Variants in LRP2BP observed in about 807,000 individuals in gnomAD.
The protein encoded by LRP2BP is LRP2-binding protein.
In LRP2BP, 38 loss-of-function variants were observed where a neutral mutation model predicts 45.2. The observed-to-expected ratio is 0.84, with a 90% confidence interval of 0.65 to 1.10. The LOEUF (loss-of-function observed/expected upper bound fraction) is 1.10. Among genes scored for constraint, LRP2BP ranks in the 50% least tolerant of loss-of-function variants. The pLI is 0.00. For synonymous variants in LRP2BP, 153 were observed against 153.9 expected, an observed-to-expected ratio of 0.99 and a Z score of 0.04; for missense variants, 385 against 418.9, an observed-to-expected ratio of 0.92 and a Z score of 0.71.
intron 1 of LRP2BP, among the ~76,000 whole-genome samples, chr4:185,381,881 T>C (rs907662523): frequency 2.6e-5 from 4 of 152,218 alleles, no homozygotes; most frequent in African/African-American, 7.2e-5. Flanking sequence ...TGATATATAA[T>C]TCACATACCA....
intron 1 of LRP2BP, among the ~76,000 whole-genome samples, chr4:185,388,869 AAAT>A (rs56705155): frequency 0.15 from 23,388 of 151,878 alleles, 2,094 homozygotes; most frequent in African/African-American, 0.23. Context: ...CTTACTAATA[AAAT>A]AATAATAATT....
At chr4:185,380,292 G>A (rs567616361) in intron 1 of LRP2BP, among the ~76,000 whole-genome samples, 43 of 152,168 alleles carry the variant, frequency 2.8e-4, no homozygotes, top group East Asian at 1.2e-3. Flanking sequence ...TCCTGGGGCC[G>A]CTAAAACAAA....
chr4:185,378,786 G>A, intron 1 of LRP2BP: 2 of 985,512 alleles, frequency 2.0e-6, no homozygotes, highest in Non-Finnish European at 2.4e-6. Context: ...TGGGGTGAAG[G>A]AGTCCAGGTT....
upstream of LRP2BP, chr4:185,396,475 C>G (rs2095503315): frequency 6.1e-6 from 1 of 163,192 alleles, no homozygotes; most frequent in Non-Finnish European, 1.3e-5. Context: ...AAACTCAGCG[C>G]GCCTCATGGC....
At chr4:185,386,202 T>G (rs2126833709) in intron 1 of LRP2BP, among the ~76,000 whole-genome samples, 1 of 152,340 alleles carries the variant, frequency 6.6e-6, no homozygotes, top group Non-Finnish European at 1.5e-5. Context: ...ATTATCTTTC[T>G]TGTACATGAT....
chr4:185,385,290 T>C (rs962143859), intron 1 of LRP2BP, among the ~76,000 whole-genome samples: 3 of 152,114 alleles, frequency 2.0e-5, no homozygotes, highest in African/African-American at 7.2e-5. Context: ...GTTACAGTTA[T>C]AAATACACTC....
At chr4:185,370,144 C>T (rs934293730) in intron 8 of LRP2BP, 6 of 160,028 alleles carry the variant, frequency 3.7e-5, no homozygotes, top group Admixed American at 1.2e-4. Context: ...AGATGTGAAA[C>T]GCATTTGGGA....
At position 185,375,658 on chromosome 4, in the gene LRP2BP, C is replaced by G. The variant is rs774928608; in HGVS notation, c.285G>C (p.Gln95His). 4 of 1,612,228 alleles carry G rather than the reference C, an allele frequency of 2.5e-6. No homozygotes were observed. Among genetic ancestry groups the G allele is most frequent in the African/African-American group, 1.3e-5 (1 of 74,504 alleles). ...IKEKDHQATY[Q>H]LGVMYYDGLG... is the part of the protein sequence containing the mutation. Reference sequence around the variant, plus strand: ...GCCCATCATAGTACATCACTCCTAGCTGGTAAGTTGCTTGATGGTCTTTCT... The same window carrying G: ...GCCCATCATAGTACATCACTCCTAGGTGGTAAGTTGCTTGATGGTCTTTCT... The change falls in exon 4 of 9, where the codon CAG becomes CAC. Residue 95 changes from glutamine to histidine, a missense_variant. Coordinates refer to ENST00000505916, the MANE Select transcript of LRP2BP (RefSeq NM_001377440.1).
intron 1 of LRP2BP, among the ~76,000 whole-genome samples, chr4:185,394,165 C>G (rs1561097649): frequency 6.6e-6 from 1 of 150,472 alleles, no homozygotes; most frequent in Non-Finnish European, 1.5e-5. Flanking sequence ...GGCTGACGCA[C>G]GAGAATCACT....
chr4:185,375,873 G>T lies in LRP2BP; in HGVS notation c.217-147C>A, dbSNP rs1579988022. ...ATCTGAACCCATGCCCCACGCTGAGGAAGCATGCTCTCAGCCATGGTGCTC... is the reference window on the plus strand; with the variant it reads ...ATCTGAACCCATGCCCCACGCTGAGTAAGCATGCTCTCAGCCATGGTGCTC... On this transcript the variant is annotated intron_variant, in intron 3 of 8. Coordinates refer to ENST00000505916, the MANE Select transcript of LRP2BP (RefSeq NM_001377440.1). The T allele has an allele frequency of 3.1e-5, 15 of 487,722 alleles. No individual in the cohort carries two copies. The East Asian group carries it at 5.0e-4, about 16-fold the overall frequency. 30.2% of individuals were successfully genotyped at this position (487,722 alleles called of 1,614,324 possible).
chr4:185,373,679 A>G (rs977743907), intron 6 of LRP2BP, among the ~76,000 whole-genome samples: 51 of 152,228 alleles, frequency 3.4e-4, no homozygotes, highest in African/African-American at 1.0e-3. Flanking sequence ...AGTAGGACTC[A>G]GCCCCCATTT....
At chr4:185,387,716 C>T (rs116101283) in intron 1 of LRP2BP, among the ~76,000 whole-genome samples, 1,552 of 152,334 alleles carry the variant, frequency 0.01, 21 homozygotes, top group African/African-American at 0.034. Flanking sequence ...GCTATCTGTC[C>T]TTGCCTACAG....
chr4:185,385,618 C>G (rs1357816117), intron 1 of LRP2BP, among the ~76,000 whole-genome samples: 5 of 152,090 alleles, frequency 3.3e-5, no homozygotes, highest in East Asian at 1.9e-4. Context: ...TAACATCATC[C>G]CAGGCCAGGC....
chr4:185,373,735 A>G (rs2126795036), intron 6 of LRP2BP, among the ~76,000 whole-genome samples: 1 of 152,338 alleles, frequency 6.6e-6, no homozygotes, highest in East Asian at 1.9e-4. Flanking sequence ...ACCATTGATG[A>G]AAGAGATTAT....
At chr4:185,386,767 A>G (rs2095472911) in intron 1 of LRP2BP, among the ~76,000 whole-genome samples, 1 of 152,230 alleles carries the variant, frequency 6.6e-6, no homozygotes, top group Non-Finnish European at 1.5e-5. Context: ...GTAGAAATGT[A>G]GTTGCTTTGG....
chr4:185,389,202 AT>A (rs2095481346), intron 1 of LRP2BP, among the ~76,000 whole-genome samples: 1 of 150,732 alleles, frequency 6.6e-6, no homozygotes, highest in Non-Finnish European at 1.5e-5. Flanking sequence ...ATTTATTTTT[AT>A]TTTTATTTTA....
chr4:185,393,461 A>G (rs751878295), intron 1 of LRP2BP, among the ~76,000 whole-genome samples: 13 of 152,280 alleles, frequency 8.5e-5, no homozygotes, highest in Middle Eastern at 6.8e-3. Context: ...TATCGGTTCC[A>G]CCAACTACTT....
At chr4:185,393,559 CTT>C (rs763183893) in intron 1 of LRP2BP, among the ~76,000 whole-genome samples, 45 of 147,884 alleles carry the variant, frequency 3.0e-4, no homozygotes, top group Middle Eastern at 3.5e-3. Flanking sequence ...GAATCTTGCT[CTT>C]GTCACCCAGG....
chr4:185,397,051 G>A (rs147665408), upstream of LRP2BP: 56 of 1,609,796 alleles, frequency 3.5e-5, no homozygotes, highest in East Asian at 1.2e-3. Flanking sequence ...GGCGCTGCCT[G>A]GTCAGAGCTG....
Sources: allele counts gnomAD v4.1 joint callset (sites outside exome capture counted in the v4.1 genomes callset), GRCh38; gene constraint gnomAD v4.1.1; transcripts MANE v1.5; gene names NCBI Gene and HGNC (gene_info 2026-07-23, HGNC 2026-07-21).